The following COXFA4L2 variants were observed in gnomAD, a reference collection of about 807,000 sequenced individuals.
COXFA4L2 encodes the protein cytochrome c oxidase hypoxia associated subunit FA4L2.
the COXFA4L2 span, chr12:57,236,127 T>C: frequency 2.8e-6 from 1 of 352,584 alleles, no homozygotes; most frequent in Admixed American, 4.4e-5. Flanking sequence ...CAGACACAGA[T>C]CCCAAGGGGC....
chr12:57,235,942 C>G, the COXFA4L2 span: 29 of 644,976 alleles, frequency 4.5e-5, no homozygotes, highest in Non-Finnish European at 6.4e-5. Context: ...CCTGGGGGTC[C>G]CATTTCCCAG....
At chr12:57,236,685 C>T in the COXFA4L2 span, 2 of 1,558,110 alleles carry the variant, frequency 1.3e-6, no homozygotes, top group East Asian at 2.3e-5. Flanking sequence ...GGATGATCTG[C>T]GGGGAAGAGG....
chr12:57,240,156 G>A, the COXFA4L2 span: 1 of 152,334 alleles, frequency 6.6e-6, no homozygotes, highest in Non-Finnish European at 1.5e-5. Flanking sequence ...GCCTGGTCCC[G>A]AGGCACCGAG....
chr12:57,235,242 C>T, the COXFA4L2 span: 83 of 456,088 alleles, frequency 1.8e-4, no homozygotes, highest in Non-Finnish European at 2.6e-4. Flanking sequence ...ACGCTCAACA[C>T]GTAGCCTGTG....
the COXFA4L2 span, chr12:57,237,224 C>G: frequency 1.6e-5 from 24 of 1,528,196 alleles, no homozygotes; most frequent in East Asian, 2.4e-4. Context: ...TGGACTCACC[C>G]CACCCCAACT....
At chr12:57,238,198 G>A in the COXFA4L2 span, among the ~76,000 whole-genome samples, 1 of 152,278 alleles carries the variant, frequency 6.6e-6, no homozygotes, top group African/African-American at 2.4e-5. This position sits in a 1 kb window ranked among gnomAD's most constrained non-coding sequence, Gnocchi z 6.8. Context: ...CCGTCTCTGG[G>A]ATCGTCGGGG....
chr12:57,236,628 G>A, the COXFA4L2 span: 2 of 1,585,150 alleles, frequency 1.3e-6, no homozygotes, highest in Middle Eastern at 1.7e-4. Flanking sequence ...GTCGCAGCAA[G>A]TAAAGCGCAG....
chr12:57,236,613 G>C, the COXFA4L2 span: 1 of 1,584,574 alleles, frequency 6.3e-7, no homozygotes, highest in Non-Finnish European at 8.6e-7. Flanking sequence ...GGCTGCGAAG[G>C]GCGAGTCGCA....
chr12:57,239,395 C>A, the COXFA4L2 span, among the ~76,000 whole-genome samples: 2 of 152,376 alleles, frequency 1.3e-5, no homozygotes, highest in Admixed American at 1.3e-4. The surrounding 1 kb of genome is among the most constrained non-coding windows in gnomAD (Gnocchi z 5.5). Context: ...GTGGGTCCTG[C>A]AGCCTCCACT....
chr12:57,237,318 T>G, the COXFA4L2 span: 1 of 1,424,278 alleles, frequency 7.0e-7, no homozygotes, highest in Admixed American at 2.9e-5. Flanking sequence ...TCCGACTCTC[T>G]CCTCCAGATG....
the COXFA4L2 span, chr12:57,235,442 C>CTG: frequency 3.6e-6 from 4 of 1,098,474 alleles, no homozygotes; most frequent in Non-Finnish European, 5.5e-6. Flanking sequence ...GGAACCCGGC[C>CTG]TGTGTAAGCA....
chr12:57,236,379 A>C, the COXFA4L2 span: 2 of 496,310 alleles, frequency 4.0e-6, no homozygotes, highest in Non-Finnish European at 7.1e-6. Flanking sequence ...CGGGTTCCGC[A>C]TTTCAGGGCG....
chr12:57,239,158 A>G, the COXFA4L2 span, among the ~76,000 whole-genome samples: 1 of 152,224 alleles, frequency 6.6e-6, no homozygotes, highest in African/African-American at 2.4e-5. The surrounding 1 kb of genome is among the most constrained non-coding windows in gnomAD (Gnocchi z 5.5). Context: ...CGCTGGCTGC[A>G]CAGAGGGTCA....
the COXFA4L2 span, among the ~76,000 whole-genome samples, chr12:57,238,829 C>T: frequency 2.0e-5 from 3 of 152,332 alleles, no homozygotes; most frequent in Admixed American, 2.0e-4. The surrounding 1 kb of genome is among the most constrained non-coding windows in gnomAD (Gnocchi z 6.8). Flanking sequence ...ATTATTGCCT[C>T]CGCTCCGCCT....
chr12:57,236,501 C>A, the COXFA4L2 span: 2 of 1,098,544 alleles, frequency 1.8e-6, no homozygotes, highest in Non-Finnish European at 2.6e-6. Context: ...AAGGTGCATG[C>A]AGCAGGGCAC....
At chr12:57,237,467 A>C in the COXFA4L2 span, 13 of 652,282 alleles carry the variant, frequency 2.0e-5, no homozygotes, top group East Asian at 5.9e-4. Context: ...CATGTGTGGA[A>C]TGTTCACAGG....
At chr12:57,239,085 C>T in the COXFA4L2 span, among the ~76,000 whole-genome samples, 1 of 152,246 alleles carries the variant, frequency 6.6e-6, no homozygotes, top group African/African-American at 2.4e-5. The surrounding 1 kb of genome is among the most constrained non-coding windows in gnomAD (Gnocchi z 5.5). Flanking sequence ...AGATTAGGCA[C>T]GGCCCGGGAT....
chr12:57,235,531 T>C, the COXFA4L2 span: 1 of 1,609,938 alleles, frequency 6.2e-7, no homozygotes, highest in East Asian at 2.2e-5. Flanking sequence ...TGGCTGGCTG[T>C]GGCTTGCATG....
At chr12:57,240,569 G>GCA in the COXFA4L2 span, 7 of 588,852 alleles carry the variant, frequency 1.2e-5, no homozygotes, top group South Asian at 7.4e-5. Flanking sequence ...CCCGGCGCGC[G>GCA]CACACACACA....
Sources: gnomAD v4.1 joint callset for allele counts (sites outside exome capture counted in the v4.1 genomes callset) on GRCh38, gnomAD v4.1.1 for gene constraint, Gnocchi (gnomAD v3.1) non-coding constraint, MANE v1.5 for transcripts, NCBI Gene and HGNC (gene_info 2026-07-23, HGNC 2026-07-21) for gene names.